The following BMPR1A variants were observed in gnomAD, a reference collection of about 807,000 sequenced individuals.
The protein encoded by BMPR1A is bone morphogenetic protein receptor type 1A, also known as bone morphogenetic protein receptor type-1A.
Under a neutral mutation model 66.0 loss-of-function variants are expected in BMPR1A, and 7 were observed. That is an observed-to-expected ratio of 0.11 (90% CI 0.06 to 0.20). The LOEUF (loss-of-function observed/expected upper bound fraction) is 0.20, where lower values mean the gene tolerates loss of function less well. Ranked by LOEUF, BMPR1A falls within the 10% of genes least tolerant of loss-of-function variation. The pLI is 1.00. For synonymous variants in BMPR1A, 200 were observed against 229.7 expected (o/e 0.87, Z 1.17); for missense variants, 408 against 669.1 (o/e 0.61, Z 4.31).
chr10:86,809,251 T>G (rs889491634), intron 1 of BMPR1A, among the ~76,000 whole-genome samples: 1 of 152,282 alleles, frequency 6.6e-6, no homozygotes, highest in Middle Eastern at 3.4e-3. Flanking sequence ...TTATCACTAC[T>G]ATGTATTTTC....
intron 1 of BMPR1A, 100 bp downstream of exon 1, chr10:86,757,019 C>G (rs1452182766): frequency 6.6e-6 from 1 of 150,876 alleles, no homozygotes; most frequent in South Asian, 2.1e-4. Context: ...GCGCGGTGGC[C>G]GGAGCCAGGG....
At chr10:86,771,353 T>C (rs1048408375) in intron 1 of BMPR1A, among the ~76,000 whole-genome samples, 7 of 152,248 alleles carry the variant, frequency 4.6e-5, no homozygotes, top group Admixed American at 2.0e-4. Flanking sequence ...AAGTAGGTTT[T>C]AGTTTAAAGA....
intron 3 of BMPR1A, among the ~76,000 whole-genome samples, chr10:86,883,142 C>T (rs911759777): frequency 6.6e-6 from 1 of 152,132 alleles, no homozygotes; most frequent in African/African-American, 2.4e-5. Flanking sequence ...CTCCCTCACC[C>T]ACGTCACCCT....
rs550237036 is a variant in BMPR1A, at chr10:86,793,255, A to T, written c.-268+36336A>T. Among the ~76,000 whole-genome samples the T allele has an allele frequency of 1.6e-4, 24 of 152,250 alleles. No individual in the cohort carries two copies. In the South Asian group the frequency reaches 4.8e-3, roughly 30 times the overall value. ...ATTAAAAAGTATAGCATTGGGCCAG[A>T]ATATCATTAAGCAGTAAGATCACAT... On this transcript the variant is annotated intron_variant, in intron 1 of 12. Transcript: ENST00000372037.
intron 1 of BMPR1A, among the ~76,000 whole-genome samples, chr10:86,762,257 A>G (rs1312719764): frequency 6.6e-6 from 1 of 152,228 alleles, no homozygotes; most frequent in East Asian, 1.9e-4. Context: ...TGGCAGAGGA[A>G]GACATAGGTT....
At chr10:86,825,493 G>GTT (rs1842181346) in intron 1 of BMPR1A, among the ~76,000 whole-genome samples, 1 of 151,816 alleles carries the variant, frequency 6.6e-6, no homozygotes, top group African/African-American at 2.4e-5. Flanking sequence ...GTGTGTGTGT[G>GTT]TGTGACAGGG....
At chr10:86,789,510 C>G (rs1220344319) in intron 1 of BMPR1A, among the ~76,000 whole-genome samples, 1 of 151,844 alleles carries the variant, frequency 6.6e-6, no homozygotes, top group Admixed American at 6.6e-5. Context: ...GTCAGGAGTT[C>G]GAGACCAGCC....
intron 1 of BMPR1A, among the ~76,000 whole-genome samples, chr10:86,801,415 A>G (rs1290698539): frequency 6.6e-6 from 1 of 152,218 alleles, no homozygotes; most frequent in Admixed American, 6.5e-5. Context: ...TTCTGGGATT[A>G]CGGGTGTGAG....
chr10:86,894,644 A>C (rs1843199618), intron 5 of BMPR1A, among the ~76,000 whole-genome samples: 1 of 152,162 alleles, frequency 6.6e-6, no homozygotes, highest in African/African-American at 2.4e-5. Context: ...TCAAATCTAT[A>C]TACTATATAT....
chr10:86,908,314 C>T (rs1447415810), intron 7 of BMPR1A, among the ~76,000 whole-genome samples: 1 of 152,136 alleles, frequency 6.6e-6, no homozygotes, highest in Non-Finnish European at 1.5e-5. Context: ...ATCACATGTA[C>T]CCCCCAAAAT....
chr10:86,894,671 GGTGCTCTGCTCTC>G, intron 5 of BMPR1A, among the ~76,000 whole-genome samples: 1 of 152,286 alleles, frequency 6.6e-6, no homozygotes, highest in East Asian at 1.9e-4. Flanking sequence ...CTTCGGACAA[GGTGCTCTGCTCTC>G]GTTTTCTCAT....
At chr10:86,774,095 C>T (rs1244895761) in intron 1 of BMPR1A, among the ~76,000 whole-genome samples, 1 of 152,088 alleles carries the variant, frequency 6.6e-6, no homozygotes, top group Non-Finnish European at 1.5e-5. Context: ...AGATGATCGC[C>T]CGCCTCGGCC....
intron 1 of BMPR1A, among the ~76,000 whole-genome samples, chr10:86,804,488 C>T (rs1841857992): frequency 6.6e-6 from 1 of 152,140 alleles, no homozygotes; most frequent in Non-Finnish European, 1.5e-5. Context: ...CCACCTAGGC[C>T]TCCCAAAGTG....
At chr10:86,923,338 A>T in intron 11 of BMPR1A, 38 bp from the exon 12 acceptor site, 1 of 1,613,446 alleles carries the variant, frequency 6.2e-7, no homozygotes, top group Non-Finnish European at 8.5e-7. Flanking sequence ...CTTGTCCAGC[A>T]ACCATTTTTG....
intron 1 of BMPR1A, among the ~76,000 whole-genome samples, chr10:86,798,418 G>A (rs1841756701): frequency 6.6e-6 from 1 of 152,026 alleles, no homozygotes; most frequent in Non-Finnish European, 1.5e-5. Context: ...TATATAATTT[G>A]CTTTAATTAC....
intron 1 of BMPR1A, among the ~76,000 whole-genome samples, chr10:86,827,877 G>A (rs1842216971): frequency 6.6e-6 from 1 of 152,152 alleles, no homozygotes; most frequent in Admixed American, 6.5e-5. Context: ...TTGCAGGCCG[G>A]GCACGGTGGT....
At chr10:86,763,693 AT>A (rs1038576916) in intron 1 of BMPR1A, among the ~76,000 whole-genome samples, 1 of 149,090 alleles carries the variant, frequency 6.7e-6, no homozygotes, top group Non-Finnish European at 1.5e-5. Context: ...TTGAGCATTA[AT>A]TTTTTTTTCT....
intron 2 of BMPR1A, among the ~76,000 whole-genome samples, chr10:86,871,849 G>A (rs1842859116): frequency 6.6e-6 from 1 of 151,940 alleles, no homozygotes; most frequent in African/African-American, 2.4e-5. Context: ...TATCATGTTG[G>A]TCATGTCTTT....
intron 2 of BMPR1A, chr10:86,855,037 A>G (rs1010781479): frequency 1.3e-5 from 3 of 230,180 alleles, no homozygotes; most frequent in African/African-American, 2.3e-5. Context: ...CTTGGGTTCA[A>G]GCAGTTCTCC....
Sources: gnomAD v4.1 joint callset for allele counts (sites outside exome capture counted in the v4.1 genomes callset) on GRCh38, gnomAD v4.1.1 for gene constraint, MANE v1.5 for transcripts, NCBI Gene and HGNC (gene_info 2026-07-23, HGNC 2026-07-21) for gene names.